The following SIK3 variants were observed in gnomAD, a reference collection of about 807,000 sequenced individuals.
SIK3 encodes SIK family kinase 3.
A neutral mutation model predicts 144.2 loss-of-function variants in SIK3; 28 were observed. The ratio of observed to expected loss-of-function variants is 0.19; its 90% CI spans 0.14 to 0.27. The LOEUF is 0.27. Among genes scored for constraint, SIK3 ranks in the 10% least tolerant of loss-of-function variants. SIK3 has a pLI of 1.00. For synonymous variants in SIK3, 686 were observed against 676.3 expected (o/e 1.01, Z -0.22); for missense variants, 1,319 against 1,776.0 (o/e 0.74, Z 4.62).
chr11:116,865,012 C>G (rs761452826), intron 15 of SIK3: 4 of 152,112 alleles, frequency 2.6e-5, no homozygotes, highest in Admixed American at 1.3e-4. Flanking sequence ...CAGCAGTGAG[C>G]TAATGAAATG....
chr11:116,969,634 T>C (rs911636231), intron 1 of SIK3, among the ~76,000 whole-genome samples: 2 of 152,146 alleles, frequency 1.3e-5, no homozygotes, highest in African/African-American at 4.8e-5. Context: ...TCAAATGTAC[T>C]TTTCTGGGTA....
chr11:116,877,353 T>C (rs1001457695), intron 6 of SIK3, among the ~76,000 whole-genome samples: 1 of 152,208 alleles, frequency 6.6e-6, no homozygotes, highest in Non-Finnish European at 1.5e-5. Flanking sequence ...TGGCCCTATT[T>C]AACACAAGTA....
chr11:117,069,011 C>A (rs1179261619), intron 1 of SIK3, among the ~76,000 whole-genome samples: 1 of 152,118 alleles, frequency 6.6e-6, no homozygotes, highest in Non-Finnish European at 1.5e-5. Flanking sequence ...CTCAGTGATG[C>A]TGCACTACAG....
chr11:116,967,210 G>C (rs1321913148), intron 1 of SIK3, among the ~76,000 whole-genome samples: 1 of 152,030 alleles, frequency 6.6e-6, no homozygotes, highest in Non-Finnish European at 1.5e-5. Flanking sequence ...AAATAACACA[G>C]ACTCACAGAA....
intron 13 of SIK3, among the ~76,000 whole-genome samples, 161 bp from the exon 14 acceptor site, chr11:116,870,562 C>T (rs1943915247): frequency 6.6e-6 from 1 of 152,144 alleles, no homozygotes; most frequent in African/African-American, 2.4e-5. Flanking sequence ...CCTATTTTTC[C>T]ATTTTTACCT....
chr11:117,022,826 G>GACTGTTTATTAC (rs1951832169), intron 1 of SIK3, among the ~76,000 whole-genome samples: 3 of 100,850 alleles, frequency 3.0e-5, no homozygotes, highest in Admixed American at 9.6e-5. Flanking sequence ...GAGGAAATGT[G>GACTGTTTATTAC]AAGAAGTTAA....
At chr11:117,017,505 T>C (rs1344064202) in intron 1 of SIK3, among the ~76,000 whole-genome samples, 1 of 144,064 alleles carries the variant, frequency 6.9e-6, no homozygotes, top group Non-Finnish European at 1.6e-5. Flanking sequence ...GCCTAGTACA[T>C]AGTAAACATT....
chr11:117,050,546 C>T (rs1008941317), intron 1 of SIK3, among the ~76,000 whole-genome samples: 1 of 151,006 alleles, frequency 6.6e-6, no homozygotes, highest in Admixed American at 6.6e-5. Context: ...ATTAGCCAGG[C>T]GTGGTGGCAC....
intron 21 of SIK3, 194 bp downstream of exon 21, chr11:116,857,616 G>C (rs1565365957): frequency 1.2e-6 from 1 of 806,246 alleles, no homozygotes; most frequent in East Asian, 2.8e-5. Flanking sequence ...TTGTATCATG[G>C]TCCTTTGATT....
At position 116,967,287 on chromosome 11, in the gene SIK3, T is replaced by C. The variant is rs73006548; in HGVS notation, c.274-10223A>G. On this transcript the variant is annotated intron_variant, in intron 1 of 24. Coordinates refer to ENST00000445177, the MANE Select transcript of SIK3 (RefSeq NM_001366686.3). ...GTGTACTGTTAAGCACATTTAGATG[T>C]AGAACCTAGAACGCTCCAAGACTTA... Among the ~76,000 whole-genome samples the C allele has an allele frequency of 5.0e-3, 768 of 152,298 alleles. 3 individuals are homozygous for C. The highest frequency in any genetic ancestry group is 8.3e-3 in the Non-Finnish European group (566 of 68,026).
intron 1 of SIK3, among the ~76,000 whole-genome samples, chr11:116,985,419 T>G (rs1036997016): frequency 1.3e-5 from 2 of 152,186 alleles, no homozygotes; most frequent in African/African-American, 4.8e-5. Flanking sequence ...ACAAGAATAT[T>G]TATATAAATT....
chr11:116,962,523 A>G (rs1339849298), intron 1 of SIK3, among the ~76,000 whole-genome samples: 1 of 152,242 alleles, frequency 6.6e-6, no homozygotes, highest in East Asian at 1.9e-4. Context: ...ATTTAGGCAG[A>G]TATCAAACAT....
intron 1 of SIK3, among the ~76,000 whole-genome samples, chr11:117,045,484 A>C (rs1298198783): frequency 6.6e-6 from 1 of 152,198 alleles, no homozygotes; most frequent in African/African-American, 2.4e-5. Flanking sequence ...TGACCTATAA[A>C]GACCAAAGCC....
At chr11:117,027,042 C>T (rs1217542915) in intron 1 of SIK3, among the ~76,000 whole-genome samples, 2 of 152,156 alleles carry the variant, frequency 1.3e-5, no homozygotes, top group Non-Finnish European at 2.9e-5. Context: ...TGTTTCAGAA[C>T]ACAAGAATTT....
At chr11:117,023,621 A>AATACATATATATATATATATATATAT in intron 1 of SIK3, among the ~76,000 whole-genome samples, 1 of 95,420 alleles carries the variant, frequency 1.0e-5, no homozygotes, top group South Asian at 3.7e-4. Flanking sequence ...AAAAAAAAAA[A>AATACATATATATATATATATATATAT]ATATATATAT....
intron 21 of SIK3, among the ~76,000 whole-genome samples, chr11:116,851,739 A>G (rs1335061032): frequency 6.6e-6 from 1 of 152,038 alleles, no homozygotes; most frequent in Non-Finnish European, 1.5e-5. Context: ...CTGTGGGATT[A>G]GCCCGCCCGT....
chr11:116,848,109 T>G (rs1942134857), intron 22 of SIK3, among the ~76,000 whole-genome samples: 1 of 152,096 alleles, frequency 6.6e-6, no homozygotes, highest in South Asian at 2.1e-4. Flanking sequence ...GGTCAGGAGA[T>G]CGAGACCATC....
At chr11:117,089,280 G>A (rs192619262) in intron 1 of SIK3, among the ~76,000 whole-genome samples, 2,387 of 152,078 alleles carry the variant, frequency 0.016, 20 homozygotes, top group Non-Finnish European at 0.024. Context: ...GGCGGCAGGC[G>A]CCTGTAGTCC....
chr11:116,945,462 T>A (rs1333160130), intron 3 of SIK3, among the ~76,000 whole-genome samples: 1 of 148,564 alleles, frequency 6.7e-6, no homozygotes, highest in Non-Finnish European at 1.5e-5. Flanking sequence ...TGGGCTCCAG[T>A]GATCTGCCTG....
Sources: allele counts gnomAD v4.1 joint callset (sites outside exome capture counted in the v4.1 genomes callset), GRCh38; gene constraint gnomAD v4.1.1; transcripts MANE v1.5; gene names NCBI Gene and HGNC (gene_info 2026-07-23, HGNC 2026-07-21).